OCA2: variants seen among roughly 807,000 people sequenced by gnomAD.
OCA2 encodes the protein P protein.
In OCA2, 77 loss-of-function variants were observed where a neutral mutation model predicts 100.2. The observed-to-expected ratio is 0.77, with a 90% CI of 0.64 to 0.93. OCA2 has a LOEUF of 0.93. Ranked by LOEUF, OCA2 falls within the 40% of genes least tolerant of loss-of-function variation. OCA2 has a pLI of 0.00. For synonymous variants in OCA2, 432 were observed against 439.2 expected (o/e 0.98, Z 0.21); for missense variants, 1,062 against 1,089.1 (o/e 0.98, Z 0.35).
chr15:27,834,133 T>C (rs1393019589), intron 23 of OCA2, among the ~76,000 whole-genome samples: 1 of 152,106 alleles, frequency 6.6e-6, no homozygotes, highest in Non-Finnish European at 1.5e-5. Context: ...AACTGACAGC[T>C]CCACCATCCG....
chr15:28,007,881 A>G (rs1299025780), intron 9 of OCA2, among the ~76,000 whole-genome samples: 1 of 152,242 alleles, frequency 6.6e-6, no homozygotes, highest in African/African-American at 2.4e-5. Flanking sequence ...AAAAGACCTA[A>G]GGGAACCCTG....
intron 2 of OCA2, among the ~76,000 whole-genome samples, chr15:28,039,720 T>G (rs913455103): frequency 1.3e-5 from 2 of 152,142 alleles, no homozygotes; most frequent in Non-Finnish European, 2.9e-5. Flanking sequence ...CTAAACCCAA[T>G]CTGACTGGTG....
rs139573878 is a variant in OCA2 at position 27,847,875 on chromosome 15, G to A, written c.2339-2823C>T. Among the ~76,000 whole-genome samples the A allele has an allele frequency of 2.4e-3, 359 of 152,332 alleles. 1 individual carries two copies. Among genetic ancestry groups the A allele is most frequent in the African/African-American group, 8.1e-3 (338 of 41,576 alleles). ...TACCTCCTGGGGACAGGCAGTCCCA[G>A]GTGGCACAAGTCCAGACACAGCGAC... On this transcript the variant is annotated intron_variant, in intron 22 of 23. Transcript: ENST00000354638.
chr15:27,779,843 C>CTT (rs953403105), intron 23 of OCA2, among the ~76,000 whole-genome samples: 3 of 152,162 alleles, frequency 2.0e-5, no homozygotes, highest in Non-Finnish European at 2.9e-5. Context: ...TTTTGTCCCT[C>CTT]TTTTTCTCTC....
rs147937903 is a variant in OCA2, at chr15:27,877,343, G to A, written c.2080-5421C>T. On this transcript the variant is annotated intron_variant, in intron 19 of 23. Transcript: ENST00000354638. Reference sequence around the variant, plus strand: ...TTCTACAAATGTCAATTGAATCAACGTGGTTGATAATGTTATTCATAGCTT... The same window carrying A: ...TTCTACAAATGTCAATTGAATCAACATGGTTGATAATGTTATTCATAGCTT... Among the ~76,000 whole-genome samples, 15 of 151,988 alleles carry A rather than the reference G, an allele frequency of 9.9e-5. No homozygotes were observed. The East Asian group carries it at 2.7e-3, about 27-fold the overall frequency.
the OCA2 span, among the ~76,000 whole-genome samples, chr15:27,741,143 GTC>G: frequency 6.6e-6 from 1 of 152,180 alleles, no homozygotes; most frequent in Non-Finnish European, 1.5e-5. Context: ...AAGACAAAAT[GTC>G]TCTGTCTTAG....
intron 18 of OCA2, among the ~76,000 whole-genome samples, chr15:27,926,879 G>T (rs2039062693): frequency 6.6e-6 from 1 of 152,282 alleles, no homozygotes; most frequent in African/African-American, 2.4e-5. Context: ...CTCCCAAACT[G>T]CTGGGATTAC....
At chr15:27,719,164 C>CT in the OCA2 span, among the ~76,000 whole-genome samples, 132 of 152,354 alleles carry the variant, frequency 8.7e-4, 1 homozygote, top group South Asian at 8.7e-3. Flanking sequence ...CTTGAGAACA[C>CT]TGAGTTCAAG....
At chr15:27,773,283 CA>C (rs2031998706) in intron 23 of OCA2, among the ~76,000 whole-genome samples, 1 of 151,582 alleles carries the variant, frequency 6.6e-6, no homozygotes, top group African/African-American at 2.4e-5. Flanking sequence ...ATAGATTTGC[CA>C]AAAAATAATG....
chr15:28,044,426 G>A (rs951141284), intron 2 of OCA2, among the ~76,000 whole-genome samples: 11 of 152,282 alleles, frequency 7.2e-5, no homozygotes, highest in Non-Finnish European at 1.5e-4. Flanking sequence ...TGTCCAGGAT[G>A]CTTGTCCAGG....
intron 19 of OCA2, among the ~76,000 whole-genome samples, chr15:27,880,562 G>C (rs2036973418): frequency 6.6e-6 from 1 of 152,116 alleles, no homozygotes; most frequent in African/African-American, 2.4e-5. Context: ...TCTCCTTAAA[G>C]AAGTCCTTCA....
rs1567134401 is a variant in OCA2 at position 27,942,243 on chromosome 15, C to CATAT, written c.1951+9540_1951+9541insATAT. Among the ~76,000 whole-genome samples the CATAT allele has an allele frequency of 2.1e-3, 308 of 148,134 alleles. 1 individual carries two copies. The highest frequency in any genetic ancestry group is 7.0e-3 in the African/African-American group (285 of 40,796). Reference sequence around the variant, plus strand: ...TATGATATTATATATGATATACATACGATATACATAATATATATGATATAC... The same window carrying CATAT: ...TATGATATTATATATGATATACATACATATGATATACATAATATATATGATATAC... On this transcript the variant is annotated intron_variant, in intron 18 of 23. Coordinates refer to ENST00000354638, the MANE Select transcript of OCA2 (RefSeq NM_000275.3).
intron 1 of OCA2, among the ~76,000 whole-genome samples, chr15:28,085,159 G>C (rs1329954560): frequency 6.6e-6 from 1 of 152,076 alleles, no homozygotes; most frequent in Non-Finnish European, 1.5e-5. Context: ...ATCATATTAG[G>C]AACCCCAGGT....
Position 27,996,681 on chromosome 15 carries a change from T to C in OCA2, c.1045-6034A>G, listed in dbSNP as rs1039282047. 9.2e-5 allele frequency among the ~76,000 whole-genome samples: 14 copies of C among 151,664 alleles called. No homozygotes were observed. In the East Asian group the frequency reaches 1.9e-3, roughly 21 times the overall value. On this transcript the variant is annotated intron_variant, in intron 9 of 23. Coordinates refer to ENST00000354638, the MANE Select transcript of OCA2 (RefSeq NM_000275.3). ...TATCATAAGATTACATGCCTACAAA[T>C]TGATAGCCTAGAAGAAACTGGTAAA...
intron 2 of OCA2, among the ~76,000 whole-genome samples, chr15:28,058,332 T>A (rs1344477123): frequency 6.6e-6 from 1 of 152,262 alleles, no homozygotes; most frequent in Non-Finnish European, 1.5e-5. Context: ...CTCTTCCGTC[T>A]GCAATGTCCT....
intron 11 of OCA2, among the ~76,000 whole-genome samples, chr15:27,988,920 A>G (rs562595384): frequency 4.6e-5 from 7 of 152,230 alleles, no homozygotes; most frequent in African/African-American, 1.7e-4. Flanking sequence ...CTTGGGAGGG[A>G]CGAAATGTTG....
chr15:27,773,241 A>C (rs1430728579), intron 23 of OCA2, among the ~76,000 whole-genome samples: 4 of 152,134 alleles, frequency 2.6e-5, no homozygotes, highest in Admixed American at 2.0e-4. Context: ...ATTTTGGTTT[A>C]GGTTTTGAGT....
At chr15:28,040,660 C>T (rs898970938) in intron 2 of OCA2, among the ~76,000 whole-genome samples, 1 of 152,042 alleles carries the variant, frequency 6.6e-6, no homozygotes, top group African/African-American at 2.4e-5. Context: ...GACATGACTA[C>T]CAATTTTTAA....
intron 14 of OCA2, 100 bp from the exon 15 acceptor site, chr15:27,966,922 G>A (rs184046273): frequency 9.3e-6 from 12 of 1,285,476 alleles, no homozygotes; most frequent in Non-Finnish European, 1.3e-5. Flanking sequence ...GAGGTCCGGA[G>A]ATGGAGACCA....
Sources: gnomAD v4.1 joint callset for allele counts (sites outside exome capture counted in the v4.1 genomes callset) on GRCh38, gnomAD v4.1.1 for gene constraint, MANE v1.5 for transcripts, NCBI Gene and HGNC (gene_info 2026-07-23, HGNC 2026-07-21) for gene names.